DENND1B: variants seen among roughly 807,000 people sequenced by gnomAD.
DENND1B encodes the protein DENN domain containing 1B, also known as DENN domain-containing protein 1B.
In DENND1B, 59 loss-of-function variants were observed where a neutral mutation model predicts 90.1. The observed-to-expected ratio is 0.65, with a 90% CI of 0.53 to 0.81. DENND1B has a LOEUF of 0.81. Among genes scored for constraint, DENND1B ranks in the 40% least tolerant of loss-of-function variants. The pLI is 0.00. For synonymous variants in DENND1B, 337 were observed against 324.6 expected, an observed-to-expected ratio of 1.04 and a Z score of -0.41; for missense variants, 862 against 912.6, an observed-to-expected ratio of 0.94 and a Z score of 0.71.
intron 2 of DENND1B, among the ~76,000 whole-genome samples, chr1:197,754,871 C>T (rs1654076956): frequency 6.6e-6 from 1 of 151,962 alleles, no homozygotes; most frequent in Admixed American, 6.6e-5. Context: ...CCATTATATT[C>T]TCTGGGTGAT....
At chr1:197,693,160 C>A (rs1459868475) in intron 3 of DENND1B, among the ~76,000 whole-genome samples, 1 of 151,514 alleles carries the variant, frequency 6.6e-6, no homozygotes, top group Admixed American at 6.6e-5. Context: ...ACAAAAATGA[C>A]CACTAGATTG....
At chr1:197,670,965 A>G (rs376875030) in intron 5 of DENND1B, among the ~76,000 whole-genome samples, 1 of 152,182 alleles carries the variant, frequency 6.6e-6, no homozygotes, top group Non-Finnish European at 1.5e-5. Context: ...TCACGATTCT[A>G]TAACTTCTAA....
At chr1:197,751,952 AG>A (rs1407035438) in intron 2 of DENND1B, among the ~76,000 whole-genome samples, 1 of 129,676 alleles carries the variant, frequency 7.7e-6, no homozygotes, top group Non-Finnish European at 1.6e-5. Context: ...GAGGAGGAGG[AG>A]GAAGGGGGGA....
intron 20 of DENND1B, among the ~76,000 whole-genome samples, chr1:197,524,120 CAA>C (rs1356994143): frequency 1.3e-5 from 2 of 151,736 alleles, no homozygotes; most frequent in Non-Finnish European, 2.9e-5. Flanking sequence ...AAAAATAAGA[CAA>C]ACAAAAAAAT....
Position 197,545,961 on chromosome 1 carries a change from C to T in DENND1B, c.1311G>A (p.Met437Ile), listed in dbSNP as rs1483814799. ...KKGGALFNTA[M>I]TKATPAVRTA... ...TCCGTACAGCAGGGGTTGCTTTGGTCATTGCTGTGTTGAACAGTGCACCTC... is the reference window on the plus strand; with the variant it reads ...TCCGTACAGCAGGGGTTGCTTTGGTTATTGCTGTGTTGAACAGTGCACCTC... Residue 437 changes from methionine (M) to isoleucine (I), a missense_variant, in exon 18 of 23, where the codon ATG (methionine) becomes ATA (isoleucine). By Grantham distance (10) the Met-to-Ile change is conservative (BLOSUM62 1). Transcript: ENST00000620048. 1 of 1,607,574 alleles carries T rather than the reference C, an allele frequency of 6.2e-7. No individual in the cohort carries two copies. The highest frequency in any genetic ancestry group is 2.2e-5 in the East Asian group (1 of 44,702).
intron 2 of DENND1B, among the ~76,000 whole-genome samples, chr1:197,745,337 T>A (rs1400132529): frequency 6.6e-6 from 1 of 152,172 alleles, no homozygotes; most frequent in Non-Finnish European, 1.5e-5. Flanking sequence ...ATATTTCAAG[T>A]GAAATACATG....
At chr1:197,602,868 T>C (rs1676330162) in intron 13 of DENND1B, among the ~76,000 whole-genome samples, 1 of 151,490 alleles carries the variant, frequency 6.6e-6, no homozygotes, top group Admixed American at 6.6e-5. Context: ...TCTTACATGC[T>C]CTTAATGATT....
chr1:197,614,023 T>C (rs1003726839), intron 11 of DENND1B, among the ~76,000 whole-genome samples: 1 of 150,034 alleles, frequency 6.7e-6, no homozygotes. Context: ...TGAATACATC[T>C]AGGAAAACTT....
intron 20 of DENND1B, among the ~76,000 whole-genome samples, chr1:197,536,139 T>TGAGAGGGAGA (rs1553278743): frequency 8.2e-6 from 1 of 121,910 alleles, no homozygotes; most frequent in Non-Finnish European, 1.7e-5. Flanking sequence ...AGAGAGAGAT[T>TGAGAGGGAGA]GAGAGAGAGA....
rs759970552 is a variant in DENND1B, at chr1:197,539,954, C to T, written c.1515+10G>A. 10 of 1,575,848 alleles carry T rather than the reference C, an allele frequency of 6.3e-6. No individual in the cohort carries two copies. The highest frequency in any genetic ancestry group is 7.8e-6 in the Non-Finnish European group (9 of 1,147,616). On this transcript the variant is annotated intron_variant, in intron 20 of 22. Coordinates refer to ENST00000620048, the MANE Select transcript of DENND1B (RefSeq NM_001195215.2). ...ATGTGGGGGAATGAAGGGTAAATAA[C>T]CTTACTTACCTGAGCAAGCTTACGC...
intron 10 of DENND1B, among the ~76,000 whole-genome samples, chr1:197,635,342 T>C (rs568903593): frequency 6.6e-6 from 1 of 152,252 alleles, no homozygotes; most frequent in East Asian, 1.9e-4. Flanking sequence ...TTTTATTTAT[T>C]TTATTTTATT....
At chr1:197,642,127 C>G (rs1016422732) in intron 10 of DENND1B, among the ~76,000 whole-genome samples, 1 of 151,896 alleles carries the variant, frequency 6.6e-6, no homozygotes, top group Non-Finnish European at 1.5e-5. Flanking sequence ...TCTTTCTCTC[C>G]CTGCCTTTAC....
At chr1:197,583,350 T>C in intron 14 of DENND1B, 97 bp from the exon 15 acceptor site, 1 of 1,137,284 alleles carries the variant, frequency 8.8e-7, no homozygotes, top group Non-Finnish European at 1.3e-6. Flanking sequence ...AGAGGAAGCG[T>C]AAGGTGCAGA....
intron 11 of DENND1B, among the ~76,000 whole-genome samples, chr1:197,613,249 T>C (rs1324082684): frequency 6.6e-6 from 1 of 150,688 alleles, no homozygotes; most frequent in East Asian, 2.0e-4. Flanking sequence ...CTTAAAAAGT[T>C]CCAAATTTAT....
At chr1:197,521,262 A>G (rs1668755394) in intron 20 of DENND1B, among the ~76,000 whole-genome samples, 1 of 152,060 alleles carries the variant, frequency 6.6e-6, no homozygotes. Context: ...AGTGAATCAG[A>G]AAGTAGAATG....
intron 5 of DENND1B, 39 bp downstream of exon 5, chr1:197,671,998 C>T (rs768800386): frequency 1.9e-6 from 3 of 1,593,920 alleles, no homozygotes; most frequent in East Asian, 2.3e-5. Flanking sequence ...GAGATAGTTA[C>T]CTATTTTGCA....
At chr1:197,717,145 G>A (rs752759422) in intron 2 of DENND1B, among the ~76,000 whole-genome samples, 1 of 151,870 alleles carries the variant, frequency 6.6e-6, no homozygotes, top group Non-Finnish European at 1.5e-5. Context: ...TATGTGATTA[G>A]ATTTAGACCA....
At chr1:197,585,086 A>G (rs1674582022) in intron 14 of DENND1B, among the ~76,000 whole-genome samples, 1 of 152,200 alleles carries the variant, frequency 6.6e-6, no homozygotes, top group African/African-American at 2.4e-5. Context: ...ATTTTCCACT[A>G]TCACAGAATT....
chr1:197,523,036 T>C (rs1668883706), intron 20 of DENND1B, among the ~76,000 whole-genome samples: 2 of 152,136 alleles, frequency 1.3e-5, no homozygotes, highest in South Asian at 2.1e-4. Flanking sequence ...GTAACTCTAC[T>C]ACCTCGTGCT....
Sources: allele counts gnomAD v4.1 joint callset (sites outside exome capture counted in the v4.1 genomes callset), GRCh38; gene constraint gnomAD v4.1.1; transcripts MANE v1.5; gene names NCBI Gene and HGNC (gene_info 2026-07-23, HGNC 2026-07-21).